The following RALYL variants were observed in gnomAD, a reference collection of about 807,000 sequenced individuals.
RALYL encodes RNA-binding Raly-like protein.
Under a neutral mutation model 35.1 loss-of-function variants are expected in RALYL, and 29 were observed. That is an observed-to-expected ratio of 0.83 (90% confidence interval 0.61 to 1.13). The LOEUF is 1.13. RALYL is among the 50% of genes most tolerant of loss of function. RALYL has a pLI of 0.00. For missense variants in RALYL, 359 were observed against 360.4 expected (o/e 1.00, Z 0.03); for synonymous variants, 120 against 127.6 (o/e 0.94, Z 0.40).
At chr8:84,796,608 A>G (rs943161189) in intron 3 of RALYL, among the ~76,000 whole-genome samples, 2 of 152,214 alleles carry the variant, frequency 1.3e-5, no homozygotes, top group Non-Finnish European at 2.9e-5. Flanking sequence ...CCATTTAACC[A>G]TTTACCTTGT....
intron 1 of RALYL, among the ~76,000 whole-genome samples, chr8:84,392,419 A>G (rs148036525): frequency 4.6e-5 from 7 of 151,760 alleles, no homozygotes; most frequent in African/African-American, 1.7e-4. Flanking sequence ...ATATTTCCAT[A>G]TAAAATAAAG....
At chr8:84,365,054 C>T (rs895076777) in intron 1 of RALYL, among the ~76,000 whole-genome samples, 1 of 151,970 alleles carries the variant, frequency 6.6e-6, no homozygotes, top group African/African-American at 2.4e-5. Flanking sequence ...AGAATGACAA[C>T]TGGTACATGG....
At chr8:84,902,087 T>C (rs1198454543) in intron 8 of RALYL, among the ~76,000 whole-genome samples, 1 of 152,120 alleles carries the variant, frequency 6.6e-6, no homozygotes, top group African/African-American at 2.4e-5. Flanking sequence ...TAGGCCATCC[T>C]CACATTGCTA....
At chr8:84,789,118 A>G (rs985910933) in intron 3 of RALYL, among the ~76,000 whole-genome samples, 2 of 152,224 alleles carry the variant, frequency 1.3e-5, no homozygotes, top group African/African-American at 4.8e-5. Context: ...TGACAGAAAA[A>G]CAGGAGACAC....
chr8:84,298,456 A>G (rs1490742229), intron 1 of RALYL, among the ~76,000 whole-genome samples: 2 of 152,068 alleles, frequency 1.3e-5, no homozygotes, highest in African/African-American at 2.4e-5. Context: ...TGGTTACTGT[A>G]GCCTTGGAGT....
Position 84,584,241 on chromosome 8 carries a change from G to A in RALYL, c.256+54664G>A, listed in dbSNP as rs1345509038. Among the ~76,000 whole-genome samples the A allele has an allele frequency of 2.0e-5, 3 of 152,120 alleles. 1 individual carries two copies. Among genetic ancestry groups the A allele is most frequent in the Admixed American group, 2.0e-4 (3 of 15,276 alleles). Reference sequence around the variant, plus strand: ...GGATGATATAAGAATAGATCATATGGCAGAACATATACAGAGGAACTTACG... The same window carrying A: ...GGATGATATAAGAATAGATCATATGACAGAACATATACAGAGGAACTTACG... On this transcript the variant is annotated intron_variant, in intron 2 of 8. Transcript: ENST00000521268.
chr8:84,482,343 G>T (rs1295443749), intron 1 of RALYL, among the ~76,000 whole-genome samples: 1 of 152,064 alleles, frequency 6.6e-6, no homozygotes, highest in Non-Finnish European at 1.5e-5. Flanking sequence ...ATGCTTTGCT[G>T]ATCTGGTTAT....
At chr8:84,513,040 AT>A (rs2057754130) in intron 1 of RALYL, among the ~76,000 whole-genome samples, 1 of 152,044 alleles carries the variant, frequency 6.6e-6, no homozygotes. Flanking sequence ...AAATTTTAGT[AT>A]TCCATTTCTG....
chr8:84,906,408 T>C (rs1846497849), intron 8 of RALYL, among the ~76,000 whole-genome samples: 1 of 152,142 alleles, frequency 6.6e-6, no homozygotes, highest in Non-Finnish European at 1.5e-5. Flanking sequence ...AAGAAATTTG[T>C]ACTTGAACAA....
intron 1 of RALYL, among the ~76,000 whole-genome samples, chr8:84,454,039 A>G (rs1435760833): frequency 6.6e-6 from 1 of 152,094 alleles, no homozygotes; most frequent in Non-Finnish European, 1.5e-5. Context: ...GACTTCATGT[A>G]CTTCCAGAAT....
intron 2 of RALYL, among the ~76,000 whole-genome samples, chr8:84,708,009 A>G (rs983192368): frequency 2.0e-5 from 3 of 152,146 alleles, no homozygotes; most frequent in African/African-American, 7.2e-5. Flanking sequence ...TTGTACATTC[A>G]AGAAAACCTC....
intron 4 of RALYL, among the ~76,000 whole-genome samples, chr8:84,841,341 TAAACCAAC>T (rs1833274179): frequency 6.6e-6 from 1 of 152,030 alleles, no homozygotes; most frequent in South Asian, 2.1e-4. Context: ...AAACAGACTT[TAAACCAAC>T]AAAGATCAAA....
At chr8:84,602,545 T>C (rs1312431497) in intron 2 of RALYL, among the ~76,000 whole-genome samples, 2 of 152,128 alleles carry the variant, frequency 1.3e-5, no homozygotes, top group African/African-American at 4.8e-5. Context: ...AGAAACGTAT[T>C]GGAGGCATTT....
At chr8:84,730,790 A>G (rs1309389096) in intron 2 of RALYL, among the ~76,000 whole-genome samples, 1 of 152,150 alleles carries the variant, frequency 6.6e-6, no homozygotes, top group East Asian at 1.9e-4. Context: ...TTTGAAAGCC[A>G]CAAGACTAGA....
chr8:84,745,767 A>C (rs1352955560), intron 2 of RALYL, among the ~76,000 whole-genome samples: 3 of 152,040 alleles, frequency 2.0e-5, no homozygotes, highest in Non-Finnish European at 4.4e-5. Context: ...ATGTGTATAG[A>C]TCTCACTATC....
intron 1 of RALYL, among the ~76,000 whole-genome samples, chr8:84,419,533 A>C (rs1587009419): frequency 6.6e-6 from 1 of 151,564 alleles, no homozygotes; most frequent in East Asian, 1.9e-4. Flanking sequence ...CTACAAATTT[A>C]TGGTCTTAAC....
intron 8 of RALYL, among the ~76,000 whole-genome samples, chr8:84,898,932 C>A (rs60630566): frequency 6.6e-6 from 1 of 152,154 alleles, no homozygotes; most frequent in South Asian, 2.1e-4. Context: ...ATGCCTTTCT[C>A]TTCAACTAGA....
intron 2 of RALYL, among the ~76,000 whole-genome samples, chr8:84,541,351 T>C (rs1212710368): frequency 6.6e-6 from 1 of 152,016 alleles, no homozygotes; most frequent in Non-Finnish European, 1.5e-5. Context: ...TATTTCTTCT[T>C]TGACCATGGG....
chr8:84,185,173 A>G (rs1812188757), intron 1 of RALYL: 2 of 753,994 alleles, frequency 2.7e-6, no homozygotes, highest in Admixed American at 4.3e-5. Context: ...TAAGATGATC[A>G]CTTGGGTTTA....
Sources: allele counts gnomAD v4.1 joint callset (sites outside exome capture counted in the v4.1 genomes callset), GRCh38; gene constraint gnomAD v4.1.1; transcripts MANE v1.5; gene names NCBI Gene and HGNC (gene_info 2026-07-23, HGNC 2026-07-21).